The following PTPRD variants were observed in gnomAD, a reference collection of about 807,000 sequenced individuals.
PTPRD encodes the protein protein tyrosine phosphatase receptor type D.
Under a neutral mutation model 214.5 loss-of-function variants are expected in PTPRD, and 34 were observed. That is an observed-to-expected ratio of 0.16 (90% CI 0.12 to 0.21). The LOEUF (loss-of-function observed/expected upper bound fraction) is 0.21, where lower values mean the gene tolerates loss of function less well. Among genes scored for constraint, PTPRD ranks in the 10% least tolerant of loss-of-function variants. The probability of loss-of-function intolerance (pLI) is 1.00; values close to 1 mark genes in which losing one functional copy is unlikely to be tolerated. For missense variants in PTPRD, 2,545 were observed against 2,398.7 expected (o/e 1.06, Z -1.27); for synonymous variants, 1,128 against 845.7 (o/e 1.33, Z -5.79).
chr9:10,184,707 T>A (rs956025000), intron 3 of PTPRD, among the ~76,000 whole-genome samples: 1 of 152,186 alleles, frequency 6.6e-6, no homozygotes, highest in African/African-American at 2.4e-5. Context: ...TCACCTCTCT[T>A]CTTCTGGTTT....
intron 5 of PTPRD, among the ~76,000 whole-genome samples, chr9:9,833,628 T>G (rs1159589613): frequency 5.2e-5 from 5 of 95,744 alleles, no homozygotes; most frequent in Non-Finnish European, 1.0e-4. Context: ...TATGGGAGAC[T>G]GGAGTTTATT....
intron 14 of PTPRD, among the ~76,000 whole-genome samples, chr9:8,576,152 TC>T (rs2154244121): frequency 6.6e-6 from 1 of 152,286 alleles, no homozygotes; most frequent in East Asian, 1.9e-4. Context: ...GGCTTTTTTT[TC>T]CTTTTAAATA....
intron 11 of PTPRD, among the ~76,000 whole-genome samples, chr9:8,846,325 G>T (rs189125980): frequency 1.3e-5 from 2 of 152,086 alleles, no homozygotes; most frequent in African/African-American, 4.8e-5. Context: ...AATACTCAAC[G>T]ATAACATCCC....
At chr9:8,811,730 T>G (rs1389913033) in intron 11 of PTPRD, among the ~76,000 whole-genome samples, 1 of 152,218 alleles carries the variant, frequency 6.6e-6, no homozygotes, top group Non-Finnish European at 1.5e-5. Flanking sequence ...GAAAAGTATC[T>G]TTGCCCCCAG....
intron 3 of PTPRD, among the ~76,000 whole-genome samples, chr9:10,064,520 G>A (rs76273371): frequency 6.6e-6 from 1 of 151,842 alleles, no homozygotes; most frequent in Non-Finnish European, 1.5e-5. Context: ...TCAGGGGATT[G>A]TGGTTAATGG....
chr9:9,118,264 A>T (rs566627206), intron 10 of PTPRD, among the ~76,000 whole-genome samples: 14 of 152,346 alleles, frequency 9.2e-5, no homozygotes, highest in Admixed American at 9.1e-4. Context: ...TACTGTCTCA[A>T]TTATTAGCAG....
intron 2 of PTPRD, among the ~76,000 whole-genome samples, chr9:10,536,232 A>G (rs747450656): frequency 5.3e-5 from 8 of 152,164 alleles, no homozygotes; most frequent in Non-Finnish European, 1.2e-4. Flanking sequence ...TATATAGGAA[A>G]AAGTATAAAT....
chr9:8,327,757 T>C (rs1587652441), intron 44 of PTPRD, among the ~76,000 whole-genome samples: 1 of 152,228 alleles, frequency 6.6e-6, no homozygotes, highest in South Asian at 2.1e-4. Context: ...TACTTAGCTC[T>C]TCTTATTGCA....
At chr9:8,514,243 A>G (rs1210479763) in intron 21 of PTPRD, among the ~76,000 whole-genome samples, 1 of 152,302 alleles carries the variant, frequency 6.6e-6, no homozygotes, top group Non-Finnish European at 1.5e-5. Flanking sequence ...TGAAGGCATC[A>G]GGGTTTTTCA....
At chr9:10,499,488 G>C (rs910104055) in intron 2 of PTPRD, among the ~76,000 whole-genome samples, 1 of 151,856 alleles carries the variant, frequency 6.6e-6, no homozygotes, top group African/African-American at 2.4e-5. Flanking sequence ...CCTGAAAAAT[G>C]TCTACATTAT....
intron 2 of PTPRD, among the ~76,000 whole-genome samples, chr9:10,463,817 T>G (rs1317894532): frequency 6.6e-6 from 1 of 151,944 alleles, no homozygotes; most frequent in Non-Finnish European, 1.5e-5. Context: ...CCAAGCAAGT[T>G]GTAATTCACA....
chr9:10,265,503 G>A (rs1420075086), intron 3 of PTPRD, among the ~76,000 whole-genome samples: 1 of 152,210 alleles, frequency 6.6e-6, no homozygotes, highest in African/African-American at 2.4e-5. Flanking sequence ...ACAAATGCTT[G>A]TTGTTTTAAG....
In PTPRD at chr9:9,216,310, C is replaced by G. The variant is rs114419871; in HGVS notation, c.-202-32947G>C. Among the ~76,000 whole-genome samples the G allele has an allele frequency of 7.4e-3, 1,129 of 152,258 alleles. 16 individuals are homozygous for G. The highest frequency in any genetic ancestry group is 0.026 in the African/African-American group (1,081 of 41,554). Reference sequence around the variant, plus strand: ...CCAATGCTAGATAGTCACCAGCTCCCAAATCCTAGCCACTTACCTCTCTCT... The same window carrying G: ...CCAATGCTAGATAGTCACCAGCTCCGAAATCCTAGCCACTTACCTCTCTCT... On this transcript the variant is annotated intron_variant, in intron 9 of 45. Transcript: ENST00000381196.
chr9:8,547,521 T>C (rs2080560303), intron 14 of PTPRD, among the ~76,000 whole-genome samples: 1 of 151,694 alleles, frequency 6.6e-6, no homozygotes, highest in Non-Finnish European at 1.5e-5. Flanking sequence ...CATGTGCCTG[T>C]AGTACCAGCT....
In PTPRD at chr9:9,741,933, T is replaced by C. The variant is rs151105039; in HGVS notation, c.-325-7362A>G. Among the ~76,000 whole-genome samples, 189 of 152,304 alleles carry C rather than the reference T, an allele frequency of 1.2e-3. 1 individual carries two copies. Among genetic ancestry groups the C allele is most frequent in the African/African-American group, 4.2e-3 (176 of 41,570 alleles). On this transcript the variant is annotated intron_variant, in intron 6 of 45. Coordinates refer to ENST00000381196, the MANE Select transcript of PTPRD (RefSeq NM_002839.4). ...ATAAACATACATGAGCATGTGTCTT[T>C]ATAGTAGAATGATTTATAATCCTTT...
intron 3 of PTPRD, among the ~76,000 whole-genome samples, chr9:10,221,554 G>C (rs746971681): frequency 6.6e-6 from 1 of 151,928 alleles, no homozygotes; most frequent in African/African-American, 2.4e-5. Flanking sequence ...ATTCCTTAGA[G>C]TCCCTGAGCC....
chr9:9,208,019 G>GTTTTTTTTTT (rs1569562243), intron 9 of PTPRD, among the ~76,000 whole-genome samples: 2 of 26,040 alleles, frequency 7.7e-5, no homozygotes, highest in Admixed American at 6.0e-4. Flanking sequence ...ATATATATCT[G>GTTTTTTTTTT]CTTTTTTTTT....
At chr9:9,027,979 T>C (rs571096534) in intron 10 of PTPRD, among the ~76,000 whole-genome samples, 1 of 152,048 alleles carries the variant, frequency 6.6e-6, no homozygotes, top group Non-Finnish European at 1.5e-5. Context: ...AGGACTCATT[T>C]CTTTAATCTG....
At chr9:9,877,199 G>T (rs1374886523) in intron 5 of PTPRD, among the ~76,000 whole-genome samples, 1 of 152,178 alleles carries the variant, frequency 6.6e-6, no homozygotes, top group Non-Finnish European at 1.5e-5. Context: ...AGTGAGTCAT[G>T]CATCTCCTGA....
Sources: gnomAD v4.1 joint callset for allele counts (sites outside exome capture counted in the v4.1 genomes callset) on GRCh38, gnomAD v4.1.1 for gene constraint, MANE v1.5 for transcripts, NCBI Gene and HGNC (gene_info 2026-07-23, HGNC 2026-07-21) for gene names.